The following PPP2R5C variants were observed in gnomAD, a reference collection of about 807,000 sequenced individuals.
PPP2R5C encodes protein phosphatase 2 regulatory subunit B'gamma.
Under a neutral mutation model 68.9 loss-of-function variants are expected in PPP2R5C, and 7 were observed. The observed-to-expected ratio is 0.10, with a 90% CI of 0.06 to 0.19. The LOEUF (loss-of-function observed/expected upper bound fraction) is 0.19. Among genes scored for constraint, PPP2R5C ranks in the 10% least tolerant of loss-of-function variants. PPP2R5C has a pLI of 1.00. For synonymous variants in PPP2R5C, 210 were observed against 222.2 expected (o/e 0.95, Z 0.49); for missense variants, 348 against 641.3 (o/e 0.54, Z 4.94).
chr14:101,925,096 A>G lies in PPP2R5C; in HGVS notation c.1444-45A>G, dbSNP rs371847836. 2.5e-6 allele frequency: 4 copies of G among 1,603,648 alleles called. No homozygotes were observed. The African/African-American group carries it at 4.0e-5, about 16-fold the overall frequency. ...CACCTCAGAAGTAAGCTTGCTTTTC[A>G]GATAGCTTAGTTTGTAGCCAACGCC... is the stretch of plus-strand genomic sequence containing the variant. On this transcript the variant is annotated intron_variant, in intron 13 of 13. Transcript: ENST00000334743.
intron 9 of PPP2R5C, among the ~76,000 whole-genome samples, chr14:101,904,922 C>T (rs1022194854): frequency 6.6e-6 from 1 of 152,222 alleles, no homozygotes; most frequent in Non-Finnish European, 1.5e-5. Context: ...TTCTGTGGAA[C>T]GTGCACTTGT....
intron 2 of PPP2R5C, among the ~76,000 whole-genome samples, chr14:101,865,753 T>A (rs1187001707): frequency 6.6e-6 from 1 of 152,112 alleles, no homozygotes; most frequent in Non-Finnish European, 1.5e-5. Context: ...CGTGACAAAG[T>A]TGTCAGTGTC....
At chr14:101,866,448 C>G (rs1458042232) in intron 2 of PPP2R5C, among the ~76,000 whole-genome samples, 1 of 152,110 alleles carries the variant, frequency 6.6e-6, no homozygotes, top group East Asian at 1.9e-4. Flanking sequence ...TCCATTTTAT[C>G]GATAGATTTT....
At chr14:101,779,025 A>G (rs886350401) in intron 2 of PPP2R5C, among the ~76,000 whole-genome samples, 4 of 152,110 alleles carry the variant, frequency 2.6e-5, no homozygotes, top group African/African-American at 9.7e-5. Context: ...GTGCAATTGC[A>G]CTCCAGCCTG....
At chr14:101,892,748 C>T (rs1454151920) in intron 6 of PPP2R5C, among the ~76,000 whole-genome samples, 1 of 152,058 alleles carries the variant, frequency 6.6e-6, no homozygotes, top group Non-Finnish European at 1.5e-5. Flanking sequence ...CGCTATACTA[C>T]CCAGGCTAGA....
At chr14:101,848,711 G>A (rs1399429449) in intron 1 of PPP2R5C, among the ~76,000 whole-genome samples, 1 of 152,168 alleles carries the variant, frequency 6.6e-6, no homozygotes. Context: ...AGCAGCCCAG[G>A]GACACCCCGA....
Position 101,891,903 on chromosome 14 carries a change from C to T in PPP2R5C, c.690-1097C>T, listed in dbSNP as rs2044954127. Among the ~76,000 whole-genome samples the T allele has an allele frequency of 6.6e-6, 1 of 152,220 alleles. No homozygotes were observed. Among genetic ancestry groups the T allele is most frequent in the Non-Finnish European group, 1.5e-5 (1 of 68,028 alleles). ...AGACAAAAACTTTGCTTTGGAGGCT[C>T]TAGGTAGGACCTCTTTTCTTGCACA... On this transcript the variant is annotated intron_variant, in intron 6 of 13. Transcript: ENST00000334743. The surrounding 1 kb of genome is among the most constrained non-coding windows in gnomAD (Gnocchi z 4.9).
intron 1 of PPP2R5C, chr14:101,836,528 G>C: frequency 1.7e-6 from 1 of 572,602 alleles, no homozygotes; most frequent in Non-Finnish European, 3.1e-6. Context: ...TCAAAATATT[G>C]TTTAGACAAA....
chr14:101,765,734 A>ATTTTTTTTTTTTTTTT (rs544989366), intron 2 of PPP2R5C: 3 of 115,002 alleles, frequency 2.6e-5, no homozygotes, highest in Non-Finnish European at 3.5e-5. Flanking sequence ...TGCCCAGCTA[A>ATTTTTTTTTTTTTTTT]TTTTTTTTTT....
At chr14:101,926,609 G>GCTATTCTAAACACTAAAC (rs1566979563) in exon 14 of PPP2R5C, 2 of 152,572 alleles carry the variant, frequency 1.3e-5, no homozygotes, top group African/African-American at 2.4e-5. Flanking sequence ...TTCTAAACAC[G>GCTATTCTAAACACTAAAC]TGATCTAGTT....
intron 3 of PPP2R5C, among the ~76,000 whole-genome samples, chr14:101,798,258 T>A (rs2038706899): frequency 6.6e-6 from 1 of 152,156 alleles, no homozygotes; most frequent in South Asian, 2.1e-4. Context: ...TACAATAAAA[T>A]GTCTTCACTA....
At chr14:101,896,608 C>T (rs1054689653) in intron 8 of PPP2R5C, among the ~76,000 whole-genome samples, 4 of 142,624 alleles carry the variant, frequency 2.8e-5, no homozygotes, top group Non-Finnish European at 6.0e-5. Flanking sequence ...ATGGCGTGTG[C>T]CTGGGCAACA....
chr14:101,903,739 G>A (rs2045856250), intron 9 of PPP2R5C, among the ~76,000 whole-genome samples: 2 of 151,530 alleles, frequency 1.3e-5, no homozygotes, highest in Non-Finnish European at 2.9e-5. Context: ...GCAGTGGTGC[G>A]ATCTCGGCTC....
chr14:101,889,600 C>G (rs556745028), intron 5 of PPP2R5C, among the ~76,000 whole-genome samples: 1 of 152,270 alleles, frequency 6.6e-6, no homozygotes, highest in South Asian at 2.1e-4. Flanking sequence ...TCCTGGGGCT[C>G]CCCTAGAAGC....
chr14:101,889,809 A>G (rs934923987), intron 5 of PPP2R5C: 1 of 364,714 alleles, frequency 2.7e-6, no homozygotes, highest in African/African-American at 2.1e-5. Flanking sequence ...CTTTAAAATT[A>G]AGTAAGACAT....
intron 1 of PPP2R5C, among the ~76,000 whole-genome samples, chr14:101,841,770 C>A (rs1439267010): frequency 2.0e-5 from 3 of 152,222 alleles, no homozygotes; most frequent in Admixed American, 2.0e-4. Flanking sequence ...TTGAGGCCAA[C>A]TGGGGCAGTG....
chr14:101,856,625 T>C (rs1242830477), intron 1 of PPP2R5C, 61 bp from the exon 4 acceptor site: 1 of 1,429,226 alleles, frequency 7.0e-7, no homozygotes, highest in Non-Finnish European at 9.8e-7. Flanking sequence ...TTAAATGTGT[T>C]TCACAATAAC....
chr14:101,872,845 G>A (rs934458962), intron 2 of PPP2R5C, among the ~76,000 whole-genome samples: 1 of 151,362 alleles, frequency 6.6e-6, no homozygotes, highest in African/African-American at 2.4e-5. Flanking sequence ...TCTGTCCCAT[G>A]ACCCTTTCTC....
intron 1 of PPP2R5C, among the ~76,000 whole-genome samples, chr14:101,815,004 G>A (rs1423331518): frequency 6.6e-6 from 1 of 152,196 alleles, no homozygotes; most frequent in Non-Finnish European, 1.5e-5. Context: ...CGAAGCTGCT[G>A]CTGGTGGCTG....
Sources: gnomAD v4.1 joint callset for allele counts (sites outside exome capture counted in the v4.1 genomes callset) on GRCh38, gnomAD v4.1.1 for gene constraint, Gnocchi (gnomAD v3.1) non-coding constraint, MANE v1.5 for transcripts, NCBI Gene and HGNC (gene_info 2026-07-23, HGNC 2026-07-21) for gene names.